The following CSMD1 variants were observed in gnomAD, a reference collection of about 807,000 sequenced individuals.
CSMD1 encodes CUB and sushi domain-containing protein 1.
A neutral mutation model predicts 417.5 loss-of-function variants in CSMD1; 213 were observed. That is an observed-to-expected ratio of 0.51 (90% confidence interval 0.46 to 0.57). The LOEUF is 0.57. Among genes scored for constraint, CSMD1 ranks in the 20% least tolerant of loss-of-function variants. The probability of loss-of-function intolerance (pLI) is 0.00; values close to 1 mark genes in which losing one functional copy is unlikely to be tolerated. For missense variants in CSMD1, 6,923 were observed against 4,529.7 expected (o/e 1.53, Z -15.17); for synonymous variants, 2,862 against 1,736.8 (o/e 1.65, Z -16.11).
intron 18 of CSMD1, among the ~76,000 whole-genome samples, chr8:3,385,422 CCTG>C (rs1810948454): frequency 6.6e-6 from 1 of 151,438 alleles, no homozygotes; most frequent in Admixed American, 6.6e-5. Context: ...GACCTGTTAT[CCTG>C]AATGCAGCCA....
At chr8:4,158,960 G>C (rs189545336) in intron 3 of CSMD1, among the ~76,000 whole-genome samples, 22 of 152,256 alleles carry the variant, frequency 1.4e-4, no homozygotes, top group South Asian at 8.3e-4. Context: ...TTGTTGCCCA[G>C]GTTGGAGTGC....
At chr8:4,046,875 G>T (rs766839615) in intron 3 of CSMD1, among the ~76,000 whole-genome samples, 4 of 152,124 alleles carry the variant, frequency 2.6e-5, no homozygotes, top group Non-Finnish European at 5.9e-5. Flanking sequence ...GCCCCACAGA[G>T]AATGTGACAA....
intron 26 of CSMD1, among the ~76,000 whole-genome samples, chr8:3,268,076 C>G (rs922965854): frequency 1.3e-5 from 2 of 151,998 alleles, no homozygotes; most frequent in African/African-American, 2.4e-5. Flanking sequence ...GCATTGATCT[C>G]CAATGCCCAT....
chr8:4,034,735 G>A (rs1015359754), intron 3 of CSMD1, among the ~76,000 whole-genome samples: 2 of 152,088 alleles, frequency 1.3e-5, no homozygotes, highest in Non-Finnish European at 2.9e-5. Context: ...TTAATGTCCA[G>A]GAATATTTAA....
intron 2 of CSMD1, among the ~76,000 whole-genome samples, chr8:4,442,492 G>T (rs923097323): frequency 1.3e-5 from 2 of 152,036 alleles, no homozygotes; most frequent in Non-Finnish European, 2.9e-5. Context: ...CATCTGTTAT[G>T]TATATAAAAG....
At chr8:4,435,518 C>G (rs934531146) in intron 2 of CSMD1, among the ~76,000 whole-genome samples, 1 of 152,130 alleles carries the variant, frequency 6.6e-6, no homozygotes, top group Non-Finnish European at 1.5e-5. Context: ...AAACTGAAAC[C>G]TTAACTGCCT....
At chr8:4,475,797 C>G (rs1800771169) in intron 2 of CSMD1, among the ~76,000 whole-genome samples, 1 of 151,774 alleles carries the variant, frequency 6.6e-6, no homozygotes, top group Non-Finnish European at 1.5e-5. Context: ...ATTTTTAGTA[C>G]AGATGGGATT....
intron 12 of CSMD1, among the ~76,000 whole-genome samples, chr8:3,437,895 G>A (rs901374694): frequency 1.3e-5 from 2 of 151,990 alleles, no homozygotes; most frequent in Admixed American, 6.6e-5. Context: ...TTACAGGTGT[G>A]TGTCACCAGG....
At chr8:3,430,281 G>A (rs1278435654) in intron 12 of CSMD1, among the ~76,000 whole-genome samples, 1 of 151,970 alleles carries the variant, frequency 6.6e-6, no homozygotes, top group Non-Finnish European at 1.5e-5. Context: ...ATACTTACAG[G>A]TGACATTTAA....
intron 5 of CSMD1, among the ~76,000 whole-genome samples, chr8:3,950,778 A>C (rs1038377446): frequency 6.6e-6 from 1 of 152,212 alleles, no homozygotes; most frequent in African/African-American, 2.4e-5. Flanking sequence ...AACAAACAGT[A>C]CATGGTATAA....
At chr8:4,383,805 A>G (rs911248931) in intron 3 of CSMD1, among the ~76,000 whole-genome samples, 4 of 152,244 alleles carry the variant, frequency 2.6e-5, no homozygotes, top group Non-Finnish European at 5.9e-5. Context: ...TACATATATA[A>G]TACCAAATTA....
chr8:3,029,361 T>C lies in CSMD1; in HGVS notation c.7813A>G (p.Asn2605Asp), dbSNP rs1407024999. 6.2e-7 allele frequency: 1 copy of C among 1,611,044 alleles called. No individual in the cohort carries two copies. The highest frequency in any genetic ancestry group is 1.7e-5 in the Admixed American group (1 of 59,578). ...TCATCTCCTATGTTCCACGTCCCATTGGCCTGGCACCGCAGGAGCCTCCAG... is the reference window on the plus strand; with the variant it reads ...TCATCTCCTATGTTCCACGTCCCATCGGCCTGGCACCGCAGGAGCCTCCAG... ...EGWRLLRCQA[N>D]GTWNIGDERP... Residue 2605 changes from asparagine (N) to aspartate (D), a missense_variant, in exon 51 of 70, where the codon AAT becomes GAT. Asn to Asp is a conservative substitution (Grantham distance 23). Transcript: ENST00000635120.
chr8:4,236,378 G>T (rs1219779848), intron 3 of CSMD1, among the ~76,000 whole-genome samples: 1 of 152,006 alleles, frequency 6.6e-6, no homozygotes, highest in Non-Finnish European at 1.5e-5. Flanking sequence ...CGGAGAAAGG[G>T]GTGAAGACGA....
At chr8:4,307,346 C>G (rs1422979908) in intron 3 of CSMD1, among the ~76,000 whole-genome samples, 1 of 152,142 alleles carries the variant, frequency 6.6e-6, no homozygotes, top group Non-Finnish European at 1.5e-5. Flanking sequence ...GAAAATGAGT[C>G]AGAGCAATGG....
rs57747377 is a variant in CSMD1, at chr8:4,519,742, CAAAAAAAAAAAAAAAAAAAAA to C, written c.303-99698_303-99678del. On this transcript the variant is annotated intron_variant, in intron 2 of 69. Transcript: ENST00000635120. Reference sequence around the variant, plus strand: ...TAGGCAGCAGAGTCAGACTTCATCTCAAAAAAAAAAAAAAAAAAAAAAAAAAAAAAAAAAAAAAAATTCTTG... The same window carrying C: ...TAGGCAGCAGAGTCAGACTTCATCTCAAAAAAAAAAAAAAAAAAATTCTTG... Among the ~76,000 whole-genome samples, 62 of 80,368 alleles carry C rather than the reference CAAAAAAAAAAAAAAAAAAAAA, an allele frequency of 7.7e-4. 3 individuals are homozygous for C. The highest frequency in any genetic ancestry group is 2.1e-3 in the African/African-American group (41 of 19,122). 52.7% of individuals were successfully genotyped at this position (80,368 alleles called of 152,430 possible). A position where few individuals can be genotyped will look rare whatever the true frequency, so the allele number is the denominator to read the frequency against.
intron 23 of CSMD1, among the ~76,000 whole-genome samples, chr8:3,321,609 C>CT (rs1305087189): frequency 6.6e-6 from 1 of 152,174 alleles, no homozygotes; most frequent in Non-Finnish European, 1.5e-5. Flanking sequence ...ACTGTATCCT[C>CT]TGAGTCTGGC....
intron 25 of CSMD1, among the ~76,000 whole-genome samples, chr8:3,304,257 T>G (rs1249080768): frequency 2.0e-5 from 3 of 152,170 alleles, no homozygotes; most frequent in Non-Finnish European, 4.4e-5. Context: ...GTATTTCTCA[T>G]TTTCAAGTTA....
At chr8:4,361,921 C>G (rs570270712) in intron 3 of CSMD1, among the ~76,000 whole-genome samples, 2 of 152,120 alleles carry the variant, frequency 1.3e-5, no homozygotes, top group African/African-American at 2.4e-5. Context: ...CTCCACTGCA[C>G]GCCAAGGCCC....
At chr8:4,883,295 G>C (rs934000727) in intron 1 of CSMD1, among the ~76,000 whole-genome samples, 2 of 151,974 alleles carry the variant, frequency 1.3e-5, no homozygotes, top group African/African-American at 2.4e-5. Context: ...TAGAGTTACA[G>C]ATAAATGTAT....
Sources: allele counts gnomAD v4.1 joint callset (sites outside exome capture counted in the v4.1 genomes callset), GRCh38; gene constraint gnomAD v4.1.1; transcripts MANE v1.5; gene names NCBI Gene and HGNC (gene_info 2026-07-23, HGNC 2026-07-21).